Variants in RARRES1 observed in about 807,000 individuals in gnomAD.
RARRES1 encodes the protein retinoic acid receptor responder 1.
In RARRES1, 34 loss-of-function variants were observed where a neutral mutation model predicts 30.6. The observed-to-expected ratio is 1.11, with a 90% CI of 0.84 to 1.48. The LOEUF is 1.48. Among genes scored for constraint, RARRES1 ranks in the 40% most tolerant of loss-of-function variants. The pLI, the probability that RARRES1 is intolerant of heterozygous loss-of-function variation, is 0.00. For synonymous variants in RARRES1, 153 were observed against 155.5 expected (o/e 0.98, Z 0.12); for missense variants, 373 against 386.5 (o/e 0.97, Z 0.29).
intron 2 of RARRES1, among the ~76,000 whole-genome samples, chr3:158,713,320 G>A (rs1727206098): frequency 6.6e-6 from 1 of 152,218 alleles, no homozygotes; most frequent in Non-Finnish European, 1.5e-5. Context: ...GGTCAAAGCT[G>A]TAGTGAGGCT....
intron 1 of RARRES1, among the ~76,000 whole-genome samples, chr3:158,726,937 C>T (rs747325322): frequency 2.0e-5 from 3 of 152,140 alleles, no homozygotes; most frequent in South Asian, 2.1e-4. Context: ...CTTGGTGATA[C>T]GTGAATTCTT....
intron 1 of RARRES1, among the ~76,000 whole-genome samples, chr3:158,725,953 T>C (rs1234750305): frequency 6.6e-6 from 1 of 152,194 alleles, no homozygotes; most frequent in African/African-American, 2.4e-5. Context: ...ATTGTTATGT[T>C]TCATCCTTAG....
At chr3:158,722,701 T>G (rs1353118771) in intron 1 of RARRES1, among the ~76,000 whole-genome samples, 2 of 151,734 alleles carry the variant, frequency 1.3e-5, no homozygotes, top group Non-Finnish European at 2.9e-5. Context: ...GCTAACATGG[T>G]GAAACCCCAT....
chr3:158,698,027 T>C, intron 4 of RARRES1, 57 bp from the exon 5 acceptor site: 1 of 1,216,004 alleles, frequency 8.2e-7, no homozygotes. Context: ...GTGTAATAAC[T>C]ATACAATACA....
chr3:158,705,005 G>C (rs541483485), intron 3 of RARRES1, 78 bp from the exon 4 acceptor site: 22 of 1,534,490 alleles, frequency 1.4e-5, no homozygotes, highest in Admixed American at 1.9e-5. Flanking sequence ...AATGAAATAG[G>C]GTTTAAACTT....
At chr3:158,720,146 C>T (rs980383631) in intron 1 of RARRES1, among the ~76,000 whole-genome samples, 10 of 151,922 alleles carry the variant, frequency 6.6e-5, no homozygotes, top group Admixed American at 2.0e-4. Flanking sequence ...TGCAGAGCCC[C>T]GTTTTTCCCA....
At chr3:158,703,032 C>T (rs1193953350) in intron 4 of RARRES1, among the ~76,000 whole-genome samples, 1 of 152,154 alleles carries the variant, frequency 6.6e-6, no homozygotes, top group Admixed American at 6.5e-5. Flanking sequence ...CCTGGGTAAA[C>T]CTATGAACAA....
chr3:158,701,433 T>C (rs13315198), intron 4 of RARRES1, among the ~76,000 whole-genome samples: 7,962 of 152,156 alleles, frequency 0.052, 657 homozygotes, highest in African/African-American at 0.18. Context: ...TGTACTTCTT[T>C]ACACAATTGC....
chr3:158,722,648 C>T (rs1406316372), intron 1 of RARRES1, among the ~76,000 whole-genome samples: 9 of 151,928 alleles, frequency 5.9e-5, no homozygotes, highest in East Asian at 1.9e-4. Context: ...TTTGGGAGGC[C>T]GAAGTGGGCG....
chr3:158,710,286 C>T (rs1395985991), intron 3 of RARRES1, among the ~76,000 whole-genome samples: 1 of 150,940 alleles, frequency 6.6e-6, no homozygotes, highest in African/African-American at 2.4e-5. Context: ...CAGCTCACTG[C>T]AACCTCCGCC....
intron 1 of RARRES1, among the ~76,000 whole-genome samples, chr3:158,716,955 T>C (rs1032219548): frequency 1.3e-5 from 2 of 152,226 alleles, no homozygotes; most frequent in African/African-American, 2.4e-5. Context: ...TACTTTATCA[T>C]GTATCAAGAC....
At chr3:158,715,820 C>T (rs1727303736) in intron 1 of RARRES1, among the ~76,000 whole-genome samples, 1 of 152,132 alleles carries the variant, frequency 6.6e-6, no homozygotes, top group African/African-American at 2.4e-5. Context: ...CTGGACAAGG[C>T]TCCCATGACC....
chr3:158,697,533 C>G lies in RARRES1; in HGVS notation c.*145G>C. 1.1e-6 allele frequency: 1 copy of G among 894,700 alleles called. No homozygotes were observed. The allele number at this position is 894,700 out of a possible 1,614,324, so 55.4% of individuals were successfully genotyped here. A position where few individuals can be genotyped will look rare whatever the true frequency, so the allele number is the denominator to read the frequency against. On this transcript the variant is annotated 3_prime_UTR_variant, in exon 6 of 6. Transcript: ENST00000237696. ...AGCAGACTGAGAAACAAAAAACCAACATCTTTGCATTTCTGAGTTTTTACT... is the reference window on the plus strand; with the variant it reads ...AGCAGACTGAGAAACAAAAAACCAAGATCTTTGCATTTCTGAGTTTTTACT...
intron 1 of RARRES1, among the ~76,000 whole-genome samples, chr3:158,719,782 G>A (rs1368224696): frequency 1.3e-5 from 2 of 152,082 alleles, no homozygotes; most frequent in Non-Finnish European, 2.9e-5. Flanking sequence ...AGACCTGTTC[G>A]AGAGAATGTA....
rs1369288659 is a variant in RARRES1, at chr3:158,704,932, G to GA, written c.536-6dup. On this transcript the variant is annotated splice_polypyrimidine_tract_variant and splice_region_variant and intron_variant, in intron 3 of 5. Transcript: ENST00000237696. Reference sequence around the variant, plus strand: ...GATCAATATGTCCATGATTATCTGAGAGAGACAAAAAAAGCACATTTGTAT... The same window carrying GA: ...GATCAATATGTCCATGATTATCTGAGAAGAGACAAAAAAAGCACATTTGTAT... The GA allele has an allele frequency of 2.5e-6, 4 of 1,596,284 alleles. No individual in the cohort carries two copies. Among genetic ancestry groups the GA allele is most frequent in the Non-Finnish European group, 1.7e-6 (2 of 1,175,474 alleles).
intron 1 of RARRES1, 68 bp downstream of exon 1, chr3:158,732,072 A>G: frequency 8.0e-7 from 1 of 1,254,696 alleles, no homozygotes; most frequent in South Asian, 2.6e-5. Context: ...GCGCGTACCC[A>G]GGTGTCACCT....
intron 3 of RARRES1, among the ~76,000 whole-genome samples, chr3:158,705,399 A>C (rs1407981133): frequency 2.0e-5 from 3 of 152,058 alleles, no homozygotes; most frequent in Non-Finnish European, 2.9e-5. Flanking sequence ...ATTACTGAAT[A>C]CTCAAAGATG....
intron 4 of RARRES1, among the ~76,000 whole-genome samples, chr3:158,699,065 TG>T (rs1726640311): frequency 6.6e-6 from 1 of 152,182 alleles, no homozygotes; most frequent in Non-Finnish European, 1.5e-5. Flanking sequence ...GAGGGAACTC[TG>T]TCCAAGTGTC....
chr3:158,700,255 T>G (rs190796852), intron 4 of RARRES1, among the ~76,000 whole-genome samples: 30 of 151,736 alleles, frequency 2.0e-4, no homozygotes, highest in African/African-American at 6.5e-4. Context: ...GTTTTACTTA[T>G]ACACTTAAAA....
Sources: gnomAD v4.1 joint callset for allele counts (sites outside exome capture counted in the v4.1 genomes callset) on GRCh38, gnomAD v4.1.1 for gene constraint, MANE v1.5 for transcripts, NCBI Gene and HGNC (gene_info 2026-07-23, HGNC 2026-07-21) for gene names.